SDK2: variants seen among roughly 807,000 people sequenced by gnomAD.
SDK2 encodes the protein sidekick cell adhesion molecule 2.
A neutral mutation model predicts 253.9 loss-of-function variants in SDK2; 105 were observed. That is an observed-to-expected ratio of 0.41 (90% CI 0.35 to 0.49). The LOEUF (loss-of-function observed/expected upper bound fraction) is 0.49, where lower values mean the gene tolerates loss of function less well. SDK2 is among the 20% of genes least tolerant of loss of function. The pLI, the probability that SDK2 is intolerant of heterozygous loss-of-function variation, is 0.06. For synonymous variants in SDK2, 1,249 were observed against 1,234.9 expected, an observed-to-expected ratio of 1.01 and a Z score of -0.24; for missense variants, 2,608 against 3,003.0, an observed-to-expected ratio of 0.87 and a Z score of 3.07.
At chr17:73,350,583 G>C (rs1308038981) in intron 42 of SDK2, 67 bp downstream of exon 42, 29 of 1,548,004 alleles carry the variant, frequency 1.9e-5, no homozygotes, top group East Asian at 2.2e-5. Context: ...GATCACCCCT[G>C]TTCTGGCCAA....
At chr17:73,619,431 C>A (rs1317996989) in intron 1 of SDK2, among the ~76,000 whole-genome samples, 6 of 152,166 alleles carry the variant, frequency 3.9e-5, no homozygotes, top group African/African-American at 1.4e-4. Context: ...AACAGAGAGT[C>A]TATATGCATC....
At chr17:73,492,313 C>T (rs60889704) in intron 2 of SDK2, among the ~76,000 whole-genome samples, 1,612 of 152,198 alleles carry the variant, frequency 0.011, 26 homozygotes, top group African/African-American at 0.037. Context: ...GTGGCCCGGC[C>T]GGCACGCTCC....
chr17:73,471,423 C>G (rs1048173559), intron 3 of SDK2, among the ~76,000 whole-genome samples: 1 of 152,068 alleles, frequency 6.6e-6, no homozygotes, highest in Non-Finnish European at 1.5e-5. Flanking sequence ...CATGGTGAAA[C>G]CCTATCTCTA....
At chr17:73,480,242 G>A (rs898934034) in intron 2 of SDK2, among the ~76,000 whole-genome samples, 3 of 152,228 alleles carry the variant, frequency 2.0e-5, no homozygotes, top group Non-Finnish European at 4.4e-5. Context: ...TTGACAACAT[G>A]AACCTAACGG....
intron 2 of SDK2, among the ~76,000 whole-genome samples, chr17:73,487,770 C>T (rs955617737): frequency 6.6e-6 from 1 of 152,158 alleles, no homozygotes; most frequent in East Asian, 1.9e-4. Context: ...TAGGTGATGA[C>T]GGAGGTCAGG....
chr17:73,504,735 A>C (rs1011544854), intron 2 of SDK2, among the ~76,000 whole-genome samples: 7 of 152,082 alleles, frequency 4.6e-5, no homozygotes, highest in African/African-American at 1.7e-4. Context: ...AAAAGTTTTC[A>C]AAAGGGGAAA....
intron 3 of SDK2, among the ~76,000 whole-genome samples, chr17:73,459,533 G>A (rs1263560250): frequency 6.6e-6 from 1 of 152,224 alleles, no homozygotes; most frequent in Non-Finnish European, 1.5e-5. Flanking sequence ...CTGGAAGGAT[G>A]TAGTCAATTA....
At chr17:73,599,353 G>A (rs1475910572) in intron 1 of SDK2, among the ~76,000 whole-genome samples, 4 of 152,068 alleles carry the variant, frequency 2.6e-5, no homozygotes, top group South Asian at 2.1e-4. Context: ...CCAACATGGC[G>A]AAACCCCATC....
At chr17:73,542,201 C>A (rs913509564) in intron 1 of SDK2, among the ~76,000 whole-genome samples, 1 of 152,232 alleles carries the variant, frequency 6.6e-6, no homozygotes, top group Non-Finnish European at 1.5e-5. Context: ...TCTGACCCTC[C>A]ACGCTTCCCA....
At chr17:73,397,964 G>T in intron 24 of SDK2, 71 bp downstream of exon 24, 1 of 1,520,420 alleles carries the variant, frequency 6.6e-7, no homozygotes, top group Non-Finnish European at 8.9e-7. Context: ...GAATTCTGAT[G>T]TGCACCTTCT....
intron 1 of SDK2, among the ~76,000 whole-genome samples, chr17:73,597,462 A>T (rs1397143501): frequency 6.6e-6 from 1 of 152,220 alleles, no homozygotes; most frequent in Non-Finnish European, 1.5e-5. Flanking sequence ...ATGTGGACGT[A>T]TCTGTCTGGA....
intron 1 of SDK2, among the ~76,000 whole-genome samples, chr17:73,604,886 G>A (rs760994489): frequency 1.3e-5 from 2 of 152,188 alleles, no homozygotes; most frequent in Admixed American, 1.3e-4. Context: ...CTAAAGCCAC[G>A]TGGGAGGGGG....
Position 73,431,711 on chromosome 17 carries a change from G to A in SDK2, c.1313-42C>T, listed in dbSNP as rs760027709. ...GTGGGGGTCAGCCTGTAGCCCCCAA[G>A]GGCACACCCTGCCCTTCCCTGGCCG... On this transcript the variant is annotated intron_variant, in intron 10 of 44. Transcript: ENST00000392650. The surrounding 1 kb of genome is among the most constrained non-coding windows in gnomAD (Gnocchi z 5.6). 5.2e-6 allele frequency: 8 copies of A among 1,548,522 alleles called. No homozygotes were observed. Among genetic ancestry groups the A allele is most frequent in the African/African-American group, 4.1e-5 (3 of 73,174 alleles).
At chr17:73,456,967 G>A (rs1159091387) in intron 3 of SDK2, among the ~76,000 whole-genome samples, 1 of 152,210 alleles carries the variant, frequency 6.6e-6, no homozygotes, top group Non-Finnish European at 1.5e-5. Context: ...CACCACACCT[G>A]GGCACCTGTC....
rs934437345 is a variant in SDK2, at chr17:73,431,831, A to T, written c.1313-162T>A. On this transcript the variant is annotated intron_variant, in intron 10 of 44. Transcript: ENST00000392650. This position sits in a 1 kb window ranked among gnomAD's most constrained non-coding sequence, Gnocchi z 5.6. ...CGGTGGGGCTGGGGTGGGGGCTGAGAGACCTGGAGAGCTTTCTGGCTTAGG... is the reference window on the plus strand; with the variant it reads ...CGGTGGGGCTGGGGTGGGGGCTGAGTGACCTGGAGAGCTTTCTGGCTTAGG... 1.3e-5 allele frequency among the ~76,000 whole-genome samples: 2 copies of T among 152,174 alleles called. No homozygotes were observed. Among genetic ancestry groups the T allele is most frequent in the African/African-American group, 4.8e-5 (2 of 41,506 alleles).
At chr17:73,378,722 G>T (rs1406958205) in intron 36 of SDK2, among the ~76,000 whole-genome samples, 1 of 152,132 alleles carries the variant, frequency 6.6e-6, no homozygotes, top group African/African-American at 2.4e-5. Flanking sequence ...GCCCAGCCTA[G>T]AAATGATTTT....
intron 36 of SDK2, among the ~76,000 whole-genome samples, chr17:73,370,401 C>A (rs1333661801): frequency 6.6e-6 from 1 of 152,092 alleles, no homozygotes; most frequent in Non-Finnish European, 1.5e-5. Context: ...CACCACCACA[C>A]CCAGCTAAGT....
Position 73,481,627 on chromosome 17 carries a change from C to T in SDK2, c.225-9409G>A, listed in dbSNP as rs780825736. 2.6e-4 allele frequency among the ~76,000 whole-genome samples: 40 copies of T among 152,150 alleles called. No individual in the cohort carries two copies. Among genetic ancestry groups the T allele is most frequent in the Non-Finnish European group, 4.9e-4 (33 of 68,040 alleles). On this transcript the variant is annotated intron_variant, in intron 2 of 44. Coordinates refer to ENST00000392650, the MANE Select transcript of SDK2 (RefSeq NM_001144952.2). The surrounding 1 kb of genome is among the most constrained non-coding windows in gnomAD (Gnocchi z 4.5). ...AGCCGGATCCCTCACCAACGCAGGA[C>T]GGAACCATCCAATCCACTGAGGGCT...
intron 3 of SDK2, among the ~76,000 whole-genome samples, chr17:73,457,275 CT>C (rs2063533974): frequency 1.1e-4 from 6 of 54,878 alleles, no homozygotes; most frequent in African/African-American, 2.1e-4. Context: ...TCCTTCCTTC[CT>C]TCCTTCCTTC....
Sources: gnomAD v4.1 joint callset for allele counts (sites outside exome capture counted in the v4.1 genomes callset) on GRCh38, gnomAD v4.1.1 for gene constraint, Gnocchi (gnomAD v3.1) non-coding constraint, MANE v1.5 for transcripts, NCBI Gene and HGNC (gene_info 2026-07-23, HGNC 2026-07-21) for gene names.